The following RBM47 variants were observed in gnomAD, a reference collection of about 807,000 sequenced individuals.
RBM47 encodes RNA binding motif protein 47.
In RBM47, 21 loss-of-function variants were observed where a neutral mutation model predicts 47.1. The observed-to-expected ratio is 0.45, with a 90% CI of 0.32 to 0.64. RBM47 has a LOEUF of 0.64. Ranked by LOEUF, RBM47 falls within the 30% of genes least tolerant of loss-of-function variation. RBM47 has a pLI of 0.05. For missense variants in RBM47, 708 were observed against 870.9 expected, an observed-to-expected ratio of 0.81 and a Z score of 2.35; for synonymous variants, 375 against 361.7, an observed-to-expected ratio of 1.04 and a Z score of -0.42.
chr4:40,509,810 G>A (rs1377097905), intron 2 of RBM47, among the ~76,000 whole-genome samples: 3 of 151,978 alleles, frequency 2.0e-5, no homozygotes, highest in Admixed American at 6.6e-5. Flanking sequence ...GTGAGCCCGG[G>A]AGGCGGAGCT....
At chr4:40,547,413 G>A (rs892130845) in intron 1 of RBM47, among the ~76,000 whole-genome samples, 3 of 152,180 alleles carry the variant, frequency 2.0e-5, no homozygotes, top group Non-Finnish European at 2.9e-5. Flanking sequence ...ACTGTGTGAG[G>A]GCACAGTGAG....
At chr4:40,566,576 CAG>C (rs1241051722) in intron 1 of RBM47, among the ~76,000 whole-genome samples, 3 of 151,940 alleles carry the variant, frequency 2.0e-5, no homozygotes, top group Admixed American at 6.6e-5. Flanking sequence ...ATCTGGGAGG[CAG>C]AGGTTGCAGT....
chr4:40,601,577 A>T (rs1043450117), intron 1 of RBM47, among the ~76,000 whole-genome samples: 17 of 152,212 alleles, frequency 1.1e-4, no homozygotes, highest in African/African-American at 4.1e-4. Flanking sequence ...AAGAGCCTTA[A>T]TTATTTAAGC....
chr4:40,550,203 G>C (rs1313824604), intron 1 of RBM47, among the ~76,000 whole-genome samples: 1 of 152,076 alleles, frequency 6.6e-6, no homozygotes, highest in African/African-American at 2.4e-5. Flanking sequence ...TTTTGTGCAT[G>C]ATCATTACTT....
intron 6 of RBM47, chr4:40,427,498 C>T (rs1465007111): frequency 6.6e-6 from 1 of 152,102 alleles, no homozygotes; most frequent in African/African-American, 2.4e-5. Flanking sequence ...TCAGTATTTC[C>T]CAAAGTGTTT....
Position 40,607,710 on chromosome 4 carries a change from G to A in RBM47, c.-240+21686C>T, listed in dbSNP as rs1735892039. 3.3e-5 allele frequency among the ~76,000 whole-genome samples: 5 copies of A among 151,182 alleles called. No individual in the cohort carries two copies. The South Asian group carries it at 1.0e-3, about 32-fold the overall frequency. On this transcript the variant is annotated intron_variant, in intron 1 of 6. Transcript: ENST00000295971. ...CCACAGAGTGAGACCATGTCTCAAA[G>A]TAAAATAAGAAAAAGAAAAGAAAAT...
At chr4:40,530,941 G>A (rs1727327193) in intron 2 of RBM47, among the ~76,000 whole-genome samples, 1 of 152,026 alleles carries the variant, frequency 6.6e-6, no homozygotes, top group African/African-American at 2.4e-5. Flanking sequence ...TCTACAAAAA[G>A]CAAACAAAAT....
chr4:40,439,023 G>A lies in RBM47; in HGVS notation c.-31-99C>T, dbSNP rs535201641. The A allele has an allele frequency of 6.4e-5, 66 of 1,032,382 alleles. 1 individual carries two copies. The Middle Eastern group carries it at 1.9e-3, about 30-fold the overall frequency. 64.0% of individuals were successfully genotyped at this position (1,032,382 alleles called of 1,614,324 possible). ...GCAAGTATGCATTAATAGGCCACGG[G>A]GAAGGGGAGGTGGTTTAAATGAGAA... is the stretch of plus-strand genomic sequence containing the variant. On this transcript the variant is annotated intron_variant, in intron 3 of 6. Coordinates refer to ENST00000295971, the MANE Select transcript of RBM47 (RefSeq NM_001098634.2).
chr4:40,526,622 G>A (rs921829215), intron 2 of RBM47, among the ~76,000 whole-genome samples: 4 of 151,930 alleles, frequency 2.6e-5, no homozygotes, highest in East Asian at 3.8e-4. Flanking sequence ...CACCCAGGCT[G>A]GAGTACAGTG....
chr4:40,538,960 A>C lies in RBM47; in HGVS notation c.-155+5462T>G, dbSNP rs1366805011. ...ATGTTTCTTATTAACTAAATGTTTA[A>C]ATGCTCATTCTTAAACTCTGCTGGG... On this transcript the variant is annotated intron_variant, in intron 2 of 6. Coordinates refer to ENST00000295971, the MANE Select transcript of RBM47 (RefSeq NM_001098634.2). Among the ~76,000 whole-genome samples the C allele has an allele frequency of 2.0e-5, 3 of 152,124 alleles. No individual in the cohort carries two copies. In the East Asian group the frequency reaches 5.8e-4, roughly 29 times the overall value.
intron 1 of RBM47, among the ~76,000 whole-genome samples, chr4:40,595,878 C>T (rs1734705183): frequency 6.6e-6 from 1 of 150,710 alleles, no homozygotes; most frequent in South Asian, 2.1e-4. Flanking sequence ...GTTCTCCAGG[C>T]TGGGCAACAG....
At chr4:40,590,224 A>G (rs914767627) in intron 1 of RBM47, among the ~76,000 whole-genome samples, 2 of 152,122 alleles carry the variant, frequency 1.3e-5, no homozygotes, top group Non-Finnish European at 2.9e-5. Flanking sequence ...AACATTGTCA[A>G]CTGATTCACT....
chr4:40,588,798 T>C (rs752406500), intron 1 of RBM47, among the ~76,000 whole-genome samples: 1 of 151,970 alleles, frequency 6.6e-6, no homozygotes, highest in Non-Finnish European at 1.5e-5. Context: ...CATTAGTTAA[T>C]AAGCAGGAGC....
At position 40,437,994 on chromosome 4, in the gene RBM47, G is replaced by A; in HGVS notation, c.900C>T (p.Asn300=). 4 of 1,613,650 alleles carry A rather than the reference G, an allele frequency of 2.5e-6. No individual in the cohort carries two copies. Among genetic ancestry groups the A allele is most frequent in the African/African-American group, 1.3e-5 (1 of 75,068 alleles). The change falls in exon 4 of 7, where the codon AAC becomes AAT. Residue 300 remains asparagine, a synonymous_variant. Transcript: ENST00000295971. The stretch of plus-strand genomic sequence containing the variant: ...AGCCCTCCAGCTCAGTGCCGTTGAG[G>A]TTGTTCATGGCATGCACGGCATCCT... ...SREDAVHAMN[N]LNGTELEGSC...
At chr4:40,557,418 A>G (rs972847247) in intron 1 of RBM47, among the ~76,000 whole-genome samples, 1 of 152,168 alleles carries the variant, frequency 6.6e-6, no homozygotes, top group African/African-American at 2.4e-5. Context: ...CCCAGCATGA[A>G]GCATAGCACC....
intron 3 of RBM47, among the ~76,000 whole-genome samples, chr4:40,440,150 T>C (rs1417166836): frequency 1.3e-5 from 2 of 152,192 alleles, no homozygotes; most frequent in African/African-American, 4.8e-5. Flanking sequence ...AAAAATGAAA[T>C]CTATTTCATT....
At chr4:40,565,715 C>T (rs1731038011) in intron 1 of RBM47, among the ~76,000 whole-genome samples, 1 of 152,112 alleles carries the variant, frequency 6.6e-6, no homozygotes, top group South Asian at 2.1e-4. Flanking sequence ...CAGCTCACAC[C>T]ATCTTCAGAG....
chr4:40,626,197 T>C (rs1456051233), intron 1 of RBM47, among the ~76,000 whole-genome samples: 1 of 152,250 alleles, frequency 6.6e-6, no homozygotes, highest in Admixed American at 6.5e-5. Context: ...ATGCTCCTGT[T>C]AAATATGCAA....
intron 4 of RBM47, 127 bp downstream of exon 4, chr4:40,437,644 A>G: frequency 1.0e-6 from 1 of 979,448 alleles, no homozygotes; most frequent in Non-Finnish European, 1.5e-6. Flanking sequence ...ATGCAAACCC[A>G]AAACGGGGGT....
Sources: allele counts gnomAD v4.1 joint callset (sites outside exome capture counted in the v4.1 genomes callset), GRCh38; gene constraint gnomAD v4.1.1; transcripts MANE v1.5; gene names NCBI Gene and HGNC (gene_info 2026-07-23, HGNC 2026-07-21).